Variants in TLN2 observed in about 807,000 individuals in gnomAD.
TLN2 encodes talin-2.
In TLN2, 118 loss-of-function variants were observed where a neutral mutation model predicts 294.7. The ratio of observed to expected loss-of-function variants is 0.40; its 90% CI spans 0.34 to 0.47. The LOEUF (loss-of-function observed/expected upper bound fraction) is 0.47, where lower values mean the gene tolerates loss of function less well. TLN2 is among the 20% of genes least tolerant of loss of function. The probability of loss-of-function intolerance (pLI) is 0.84; values close to 1 mark genes in which losing one functional copy is unlikely to be tolerated. For synonymous variants in TLN2, 1,431 were observed against 1,304.5 expected (o/e 1.10, Z -2.09); for missense variants, 3,083 against 3,282.2 (o/e 0.94, Z 1.48).
chr15:62,660,453 T>A (rs1244060774), intron 9 of TLN2, among the ~76,000 whole-genome samples: 3 of 152,192 alleles, frequency 2.0e-5, no homozygotes, highest in African/African-American at 7.2e-5. Context: ...CAGTCAAGTG[T>A]GGGGAGCCAG....
chr15:62,766,323 C>G lies in TLN2; in HGVS notation c.5097C>G (p.Ala1699=), dbSNP rs1216418734. ...CTTGACACTTCTCTCCTTATCAGGC[C>G]CTGCAGGAGCAGCTGACTTCGGTGG... ...LATRDDISVE[A]LQEQLTSVVQ... is the part of the protein sequence containing the mutation. The change falls in exon 41 of 59, where the codon GCC becomes GCG. Residue 1699 remains alanine (A), a splice_region_variant and synonymous_variant. Coordinates refer to ENST00000636159, the MANE Select transcript of TLN2 (RefSeq NM_015059.3). 6.2e-7 allele frequency: 1 copy of G among 1,611,144 alleles called. No homozygotes were observed. Among genetic ancestry groups the G allele is most frequent in the East Asian group, 2.2e-5 (1 of 44,784 alleles).
intron 11 of TLN2, among the ~76,000 whole-genome samples, chr15:62,680,010 G>C (rs1004933884): frequency 6.6e-6 from 1 of 152,094 alleles, no homozygotes; most frequent in Non-Finnish European, 1.5e-5. Flanking sequence ...CTATTTCTGG[G>C]TTCTTTATTT....
chr15:62,736,171 T>G (rs1466333493), intron 28 of TLN2, among the ~76,000 whole-genome samples: 2 of 151,832 alleles, frequency 1.3e-5, no homozygotes, highest in African/African-American at 2.4e-5. Context: ...TACAAAAAAA[T>G]TAGCCGGGCG....
At chr15:62,763,389 G>A (rs1331422349) in intron 39 of TLN2, 174 bp from the exon 40 acceptor site, 11 of 628,740 alleles carry the variant, frequency 1.7e-5, no homozygotes, top group Non-Finnish European at 2.8e-5. Flanking sequence ...TTAAATTAAG[G>A]AATGCATGGG....
chr15:62,581,704 C>G (rs936788454), intron 1 of TLN2, among the ~76,000 whole-genome samples: 1 of 152,038 alleles, frequency 6.6e-6, no homozygotes, highest in Non-Finnish European at 1.5e-5. Flanking sequence ...GACAACAGAC[C>G]AAAGAGTCGA....
intron 1 of TLN2, among the ~76,000 whole-genome samples, chr15:62,559,107 C>T (rs527259237): frequency 2.0e-5 from 3 of 152,312 alleles, no homozygotes; most frequent in Admixed American, 1.3e-4. Context: ...AGTGATGTCA[C>T]TGAGAAGGCA....
At chr15:62,663,029 T>C (rs770748212) in intron 9 of TLN2, among the ~76,000 whole-genome samples, 2 of 152,124 alleles carry the variant, frequency 1.3e-5, no homozygotes, top group Non-Finnish European at 1.5e-5. Context: ...TTCACTGTGT[T>C]AGCCAGGATG....
At chr15:62,650,300 T>C (rs989014347) in intron 5 of TLN2, 119 bp downstream of exon 5, 12 of 987,154 alleles carry the variant, frequency 1.2e-5, no homozygotes, top group Non-Finnish European at 1.7e-5. Context: ...TTCGATGCAT[T>C]GTACTTTGTA....
At chr15:62,470,424 C>T (rs2037406537) in intron 1 of TLN2, among the ~76,000 whole-genome samples, 1 of 152,248 alleles carries the variant, frequency 6.6e-6, no homozygotes, top group Admixed American at 6.5e-5. Flanking sequence ...AAGGCCTGGG[C>T]CAGGGCTGAC....
At chr15:62,618,166 A>G (rs1441014027) in intron 2 of TLN2, among the ~76,000 whole-genome samples, 185 bp from the exon 3 acceptor site, 1 of 140,150 alleles carries the variant, frequency 7.1e-6, no homozygotes, top group Non-Finnish European at 1.6e-5. Flanking sequence ...TAGTGGCCCA[A>G]GACCCTAGGA....
chr15:62,519,775 G>A (rs1165286610), intron 1 of TLN2, among the ~76,000 whole-genome samples: 1 of 152,210 alleles, frequency 6.6e-6, no homozygotes, highest in Non-Finnish European at 1.5e-5. Context: ...AGAAAGGAGT[G>A]TGTTACGTGC....
Position 62,523,287 on chromosome 15 carries a change from G to A in TLN2, c.-237-66400G>A, listed in dbSNP as rs2040565176. On this transcript the variant is annotated intron_variant, in intron 1 of 58. Transcript: ENST00000636159. Reference sequence around the variant, plus strand: ...GCTGACATATGACTTAAGATTCTCAGTGAGGTATGGACATGGTGGTGTTCT... The same window carrying A: ...GCTGACATATGACTTAAGATTCTCAATGAGGTATGGACATGGTGGTGTTCT... Among the ~76,000 whole-genome samples, 3 of 152,206 alleles carry A rather than the reference G, an allele frequency of 2.0e-5. No homozygotes were observed. In the South Asian group the frequency reaches 6.2e-4, roughly 31 times the overall value.
At chr15:62,752,666 G>T (rs985032967) in intron 35 of TLN2, among the ~76,000 whole-genome samples, 2 of 152,202 alleles carry the variant, frequency 1.3e-5, no homozygotes, top group Non-Finnish European at 2.9e-5. Context: ...CAGCATATAG[G>T]TTCAGAGGCC....
chr15:62,591,076 T>C (rs1005914746), intron 2 of TLN2, among the ~76,000 whole-genome samples: 9 of 152,184 alleles, frequency 5.9e-5, no homozygotes, highest in African/African-American at 2.2e-4. Context: ...CTTTGTATTT[T>C]GTGTGTGGAA....
At chr15:62,420,141 C>T (rs1157158862) in intron 1 of TLN2, among the ~76,000 whole-genome samples, 1 of 152,148 alleles carries the variant, frequency 6.6e-6, no homozygotes, top group East Asian at 1.9e-4. Context: ...TAGTAGACTT[C>T]CTGAAAGCTG....
chr15:62,816,068 C>T lies in TLN2; in HGVS notation c.6772-3448C>T, dbSNP rs138939867. On this transcript the variant is annotated intron_variant, in intron 52 of 58. Coordinates refer to ENST00000636159, the MANE Select transcript of TLN2 (RefSeq NM_015059.3). ...AAACTGTTAAGAGGAGTCACAGACC[C>T]ACAAAACCTAGTTAGAACCTTTTGG... Among the ~76,000 whole-genome samples the T allele has an allele frequency of 3.0e-3, 454 of 152,308 alleles. 1 individual carries two copies. In the Middle Eastern group the frequency reaches 0.031, roughly 10 times the overall value.
chr15:62,836,133 A>AG (rs1392025249), intron 57 of TLN2, 60 bp downstream of exon 57: 1 of 1,541,476 alleles, frequency 6.5e-7, no homozygotes, highest in African/African-American at 1.4e-5. Context: ...GTGTCACCAG[A>AG]GGGGACAAGC....
At chr15:62,603,314 G>A (rs1003330653) in intron 2 of TLN2, among the ~76,000 whole-genome samples, 5 of 152,126 alleles carry the variant, frequency 3.3e-5, no homozygotes, top group South Asian at 2.1e-4. Flanking sequence ...GTAAGCAAAT[G>A]TGTGCATACT....
rs559849071 is a variant in TLN2, at chr15:62,582,151, GATCATAGA to G, written c.-237-7531_-237-7524del. On this transcript the variant is annotated intron_variant, in intron 1 of 58. Coordinates refer to ENST00000636159, the MANE Select transcript of TLN2 (RefSeq NM_015059.3). ...GGTACCTTGAAGTCCCAGGGAGAAT[GATCATAGA>G]ATCAGCCAGCCATAACTTCAGTGCA... 4.0e-3 allele frequency among the ~76,000 whole-genome samples: 580 copies of G among 145,396 alleles called. 2 individuals are homozygous for G. The highest frequency in any genetic ancestry group is 5.9e-3 in the Non-Finnish European group (390 of 66,182).
Sources: gnomAD v4.1 joint callset for allele counts (sites outside exome capture counted in the v4.1 genomes callset) on GRCh38, gnomAD v4.1.1 for gene constraint, MANE v1.5 for transcripts, NCBI Gene and HGNC (gene_info 2026-07-23, HGNC 2026-07-21) for gene names.